The following URB1 variants were observed in gnomAD, a reference collection of about 807,000 sequenced individuals.
URB1 encodes the protein URB1 ribosome biogenesis factor.
A neutral mutation model predicts 242.3 loss-of-function variants in URB1; 197 were observed. That is an observed-to-expected ratio of 0.81 (90% CI 0.72 to 0.91). The LOEUF is 0.91. Ranked by LOEUF, URB1 falls within the 40% of genes least tolerant of loss-of-function variation. The pLI, the probability that URB1 is intolerant of heterozygous loss-of-function variation, is 0.00. For missense variants in URB1, 2,721 were observed against 2,860.5 expected, an observed-to-expected ratio of 0.95 and a Z score of 1.11; for synonymous variants, 1,153 against 1,201.8, an observed-to-expected ratio of 0.96 and a Z score of 0.84.
Position 32,314,619 on chromosome 21 carries a change from A to G in URB1, c.*299T>C. 6.2e-7 allele frequency: 1 copy of G among 1,614,234 alleles called. No individual in the cohort carries two copies. Among genetic ancestry groups the G allele is most frequent in the Non-Finnish European group, 8.5e-7 (1 of 1,180,040 alleles). On this transcript the variant is annotated 3_prime_UTR_variant, in exon 39 of 39. Transcript: ENST00000382751. ...CAAACTCGAGCTATTTCCTGTGATG[A>G]GCTCCAAGCCCCTAGAGAGGAAGGG...
chr21:32,351,326 G>A (rs1248226827), intron 19 of URB1, among the ~76,000 whole-genome samples: 1 of 152,182 alleles, frequency 6.6e-6, no homozygotes, highest in African/African-American at 2.4e-5. Context: ...TTCCCCAGGA[G>A]CTGCGGGTCG....
At chr21:32,374,858 C>T (rs770203714) in intron 6 of URB1, among the ~76,000 whole-genome samples, 2 of 152,160 alleles carry the variant, frequency 1.3e-5, no homozygotes, top group Non-Finnish European at 2.9e-5. Context: ...TAAAATACTT[C>T]GAAAATAAAG....
At chr21:32,358,958 C>G (rs770866198) in intron 14 of URB1, among the ~76,000 whole-genome samples, 13 of 152,310 alleles carry the variant, frequency 8.5e-5, no homozygotes, top group Middle Eastern at 3.4e-3. Context: ...CACCCGTAAC[C>G]TGCCCAGCAT....
intron 10 of URB1, among the ~76,000 whole-genome samples, chr21:32,364,301 G>A (rs1038318447): frequency 2.6e-5 from 4 of 152,108 alleles, no homozygotes; most frequent in East Asian, 1.9e-4. Flanking sequence ...GGCATCTCCC[G>A]GAGCTCAGGA....
chr21:32,330,197 GTTTTTTT>G (rs34078592), intron 30 of URB1, among the ~76,000 whole-genome samples: 3 of 84,700 alleles, frequency 3.5e-5, no homozygotes, highest in South Asian at 4.8e-4. Context: ...TTTGGGGAGT[GTTTTTTT>G]TTTTTTTTTT....
intron 35 of URB1, 31 bp from the exon 36 acceptor site, chr21:32,319,445 C>T: frequency 6.8e-7 from 1 of 1,478,416 alleles, no homozygotes; most frequent in South Asian, 1.4e-5. Context: ...CTTCAATCCG[C>T]CACATCCTGA....
At chr21:32,392,564 A>G (rs563008420) in intron 1 of URB1, among the ~76,000 whole-genome samples, 1 of 152,354 alleles carries the variant, frequency 6.6e-6, no homozygotes, top group East Asian at 1.9e-4. Context: ...GTCCCAATCA[A>G]GCAAGTCGGG....
intron 4 of URB1, among the ~76,000 whole-genome samples, chr21:32,379,798 C>T (rs1214861797): frequency 6.6e-6 from 1 of 151,938 alleles, no homozygotes; most frequent in Non-Finnish European, 1.5e-5. Context: ...GAAACCAACC[C>T]GGCCAACATG....
At chr21:32,357,441 A>G (rs994046573) in intron 15 of URB1, 96 bp downstream of exon 15, 12 of 1,236,016 alleles carry the variant, frequency 9.7e-6, no homozygotes, top group Non-Finnish European at 1.0e-5. Flanking sequence ...CAATTCCAAT[A>G]CCTCCTGAAT....
chr21:32,367,165 C>A (rs1482794154), intron 9 of URB1, among the ~76,000 whole-genome samples: 2 of 152,180 alleles, frequency 1.3e-5, no homozygotes, highest in Non-Finnish European at 2.9e-5. Flanking sequence ...GATAGGCACA[C>A]TTTACATTAA....
chr21:32,346,979 C>T lies in URB1; in HGVS notation c.3845G>A (p.Ser1282Asn), dbSNP rs1568818565. ...ACCTCCTGCTGGGCGTGTGAAGTGG[C>T]TCCGTGTCCTGCACTGGAGGTACAC... is the stretch of plus-strand genomic sequence containing the variant. Reference protein sequence around the residue: ...IHVYLQCRTRSHFTRPAGVSS... With the variant: ...IHVYLQCRTRNHFTRPAGVSS... Residue 1282 changes from serine (S) to asparagine (N), a missense_variant, in exon 22 of 39, where the codon AGC (serine) becomes AAC (asparagine). Ser to Asn is a conservative substitution (Grantham distance 46). Coordinates refer to ENST00000382751, the MANE Select transcript of URB1 (RefSeq NM_014825.3). 1 of 1,523,704 alleles carries T rather than the reference C, an allele frequency of 6.6e-7. No homozygotes were observed. Among genetic ancestry groups the T allele is most frequent in the Admixed American group, 2.0e-5 (1 of 49,490 alleles). 94.4% of individuals were successfully genotyped at this position (1,523,704 alleles called of 1,614,324 possible).
At chr21:32,328,198 C>T (rs1254576981) in intron 30 of URB1, among the ~76,000 whole-genome samples, 2 of 152,228 alleles carry the variant, frequency 1.3e-5, no homozygotes, top group Admixed American at 1.3e-4. Context: ...AGTGCAGTGG[C>T]ACAATCTTGG....
At chr21:32,368,707 T>A in intron 8 of URB1, 109 bp from the exon 9 acceptor site, 1 of 935,034 alleles carries the variant, frequency 1.1e-6, no homozygotes, top group Non-Finnish European at 1.5e-6. Flanking sequence ...AACACAGCAA[T>A]AACAACGTAG....
intron 10 of URB1, among the ~76,000 whole-genome samples, chr21:32,365,294 TA>T (rs1234339224): frequency 6.6e-6 from 1 of 151,664 alleles, no homozygotes; most frequent in Non-Finnish European, 1.5e-5. Context: ...AAAATAAAAA[TA>T]AGAAAATTAG....
chr21:32,358,833 C>T lies in URB1; in HGVS notation c.1869+963G>A, dbSNP rs539461252. ...TGGCAAGCAGAGCTCTAGGCAGCAC[C>T]GCCTGGGTCCCATCCTGGACCCACC... is the stretch of plus-strand genomic sequence containing the variant. On this transcript the variant is annotated intron_variant, in intron 14 of 38. Coordinates refer to ENST00000382751, the MANE Select transcript of URB1 (RefSeq NM_014825.3). 9.0e-4 allele frequency among the ~76,000 whole-genome samples: 137 copies of T among 152,250 alleles called. 1 individual carries two copies. The highest frequency in any genetic ancestry group is 1.6e-3 in the Non-Finnish European group (112 of 68,020).
chr21:32,334,277 G>T lies in URB1; in HGVS notation c.4743C>A (p.Gly1581=). 1 of 1,551,588 alleles carries T rather than the reference G, an allele frequency of 6.4e-7. No individual in the cohort carries two copies. Among genetic ancestry groups the T allele is most frequent in the Non-Finnish European group, 8.7e-7 (1 of 1,146,964 alleles). The change falls in exon 29 of 39, where the codon GGC becomes GGA. Residue 1581 remains glycine, a synonymous_variant. Transcript: ENST00000382751. ...CACTCGGCTGCTGCCACAGTGACCT[G>T]CCCAGGCTCCGGCACGTCTTGTGAT... ...VEHHKTCRSL[G]RSLWQQPSVG...
At chr21:32,383,278 G>A in intron 4 of URB1, 144 bp downstream of exon 4, 1 of 1,098,602 alleles carries the variant, frequency 9.1e-7, no homozygotes, top group Non-Finnish European at 1.3e-6. Flanking sequence ...GACAGATCCT[G>A]TGGCTGCTGA....
At chr21:32,348,969 G>T (rs1031830917) in intron 21 of URB1, among the ~76,000 whole-genome samples, 2 of 152,236 alleles carry the variant, frequency 1.3e-5, no homozygotes, top group South Asian at 4.1e-4. Flanking sequence ...TCTATTTCCT[G>T]TGTGTATTTC....
At chr21:32,365,884 G>A (rs1457329596) in intron 10 of URB1, among the ~76,000 whole-genome samples, 4 of 152,174 alleles carry the variant, frequency 2.6e-5, no homozygotes, top group African/African-American at 9.6e-5. Context: ...TGCCTGGAAG[G>A]ACGAAGACAC....
Sources: gnomAD v4.1 joint callset for allele counts (sites outside exome capture counted in the v4.1 genomes callset) on GRCh38, gnomAD v4.1.1 for gene constraint, MANE v1.5 for transcripts, NCBI Gene and HGNC (gene_info 2026-07-23, HGNC 2026-07-21) for gene names.